Variants in GSK3B observed in about 807,000 individuals in gnomAD.
The protein encoded by GSK3B is glycogen synthase kinase 3 beta.
In GSK3B, 15 loss-of-function variants were observed where a neutral mutation model predicts 56.4. The ratio of observed to expected loss-of-function variants is 0.27; its 90% confidence interval spans 0.18 to 0.41. The LOEUF is 0.41. Among genes scored for constraint, GSK3B ranks in the 10% least tolerant of loss-of-function variants. GSK3B has a pLI of 1.00. For missense variants in GSK3B, 300 were observed against 513.4 expected (o/e 0.58, Z 4.02); for synonymous variants, 181 against 188.9 (o/e 0.96, Z 0.34).
At chr3:120,083,967 T>A (rs1024462256) in intron 1 of GSK3B, among the ~76,000 whole-genome samples, 1 of 152,176 alleles carries the variant, frequency 6.6e-6, no homozygotes, top group Non-Finnish European at 1.5e-5. Flanking sequence ...TGCCTAGAGC[T>A]GTGGGGAAGG....
intron 7 of GSK3B, among the ~76,000 whole-genome samples, chr3:119,880,147 T>C (rs767298757): frequency 2.0e-5 from 3 of 152,240 alleles, no homozygotes; most frequent in Admixed American, 6.5e-5. Context: ...GCCTGTCATT[T>C]AGATAAAAGC....
At chr3:120,038,785 A>G (rs34431178) in intron 1 of GSK3B, among the ~76,000 whole-genome samples, 1 of 152,002 alleles carries the variant, frequency 6.6e-6, no homozygotes, top group Non-Finnish European at 1.5e-5. Flanking sequence ...TTTGACGAGG[A>G]CTTTTTACAT....
At chr3:119,971,874 G>A (rs2057371295) in intron 2 of GSK3B, among the ~76,000 whole-genome samples, 1 of 151,988 alleles carries the variant, frequency 6.6e-6, no homozygotes, top group East Asian at 1.9e-4. Flanking sequence ...GCCTCCCAAA[G>A]TGCTGGGATT....
chr3:119,836,361 TC>T (rs1342372068), intron 10 of GSK3B, among the ~76,000 whole-genome samples: 1 of 152,060 alleles, frequency 6.6e-6, no homozygotes, highest in Admixed American at 6.6e-5. Flanking sequence ...TTATCATGAC[TC>T]CCCCTTCTGT....
intron 1 of GSK3B, among the ~76,000 whole-genome samples, chr3:120,056,238 T>A (rs969120356): frequency 3.9e-5 from 6 of 152,270 alleles, no homozygotes; most frequent in African/African-American, 1.4e-4. Context: ...ATTTTTTAAA[T>A]GTCTCTTTTA....
At chr3:120,034,040 A>T (rs6764558) in intron 1 of GSK3B, among the ~76,000 whole-genome samples, 5,593 of 152,288 alleles carry the variant, frequency 0.037, 340 homozygotes, top group African/African-American at 0.13. Flanking sequence ...AGATATACAT[A>T]GGTTCTGTCT....
At chr3:119,839,971 A>C (rs975900508) in intron 10 of GSK3B, among the ~76,000 whole-genome samples, 8 of 152,132 alleles carry the variant, frequency 5.3e-5, no homozygotes, top group Non-Finnish European at 1.2e-4. Context: ...CCAGGTTCAG[A>C]TATTCAAGGT....
intron 1 of GSK3B, among the ~76,000 whole-genome samples, chr3:120,081,799 G>A (rs377217090): frequency 4.1e-4 from 63 of 152,202 alleles, no homozygotes; most frequent in East Asian, 1.4e-3. Context: ...GATCTCCTAC[G>A]GAGAAACAAG....
At chr3:120,080,159 C>T (rs112265187) in intron 1 of GSK3B, among the ~76,000 whole-genome samples, 4 of 152,044 alleles carry the variant, frequency 2.6e-5, no homozygotes, top group African/African-American at 7.2e-5. Context: ...GGCATGGTAG[C>T]GCACTCCTGT....
intron 2 of GSK3B, among the ~76,000 whole-genome samples, chr3:119,961,941 C>T (rs565527393): frequency 1.2e-4 from 19 of 152,230 alleles, no homozygotes; most frequent in African/African-American, 4.1e-4. Context: ...GTTCTGAGCA[C>T]GTTTAAGGTA....
chr3:119,927,546 T>C (rs767842568), intron 3 of GSK3B, among the ~76,000 whole-genome samples: 3 of 152,196 alleles, frequency 2.0e-5, no homozygotes, highest in African/African-American at 2.4e-5. Context: ...AAATAGGTGA[T>C]GAGACACAGA....
At chr3:120,086,607 C>A (rs186693961) in intron 1 of GSK3B, among the ~76,000 whole-genome samples, 2 of 152,138 alleles carry the variant, frequency 1.3e-5, no homozygotes, top group Non-Finnish European at 2.9e-5. Flanking sequence ...CCAGCCTGGG[C>A]AAGATGGCGA....
At chr3:120,056,488 C>T (rs2058192099) in intron 1 of GSK3B, among the ~76,000 whole-genome samples, 1 of 152,130 alleles carries the variant, frequency 6.6e-6, no homozygotes, top group Non-Finnish European at 1.5e-5. Flanking sequence ...TACAGGCGTG[C>T]ACCACCACAC....
intron 9 of GSK3B, among the ~76,000 whole-genome samples, chr3:119,861,086 G>T (rs925898002): frequency 6.6e-6 from 1 of 152,070 alleles, no homozygotes; most frequent in Admixed American, 6.6e-5. Flanking sequence ...TAACTAACTA[G>T]TCATCCACAT....
At chr3:120,000,843 C>G (rs192454407) in intron 2 of GSK3B, among the ~76,000 whole-genome samples, 7 of 143,002 alleles carry the variant, frequency 4.9e-5, no homozygotes, top group African/African-American at 1.8e-4. Context: ...AAAAAAGTTA[C>G]GAGAAAAATG....
intron 2 of GSK3B, among the ~76,000 whole-genome samples, chr3:119,965,038 CTT>C (rs573903125): frequency 0.028 from 3,495 of 125,658 alleles, 137 homozygotes; most frequent in African/African-American, 0.088. Flanking sequence ...ATTATGTTTT[CTT>C]TTTTTTTTTT....
intron 9 of GSK3B, among the ~76,000 whole-genome samples, chr3:119,854,245 A>G (rs1487962891): frequency 6.6e-6 from 1 of 152,210 alleles, no homozygotes; most frequent in Non-Finnish European, 1.5e-5. Flanking sequence ...ATGATGAACC[A>G]GCTTTGCATC....
At chr3:119,986,494 A>T (rs1348952930) in intron 2 of GSK3B, among the ~76,000 whole-genome samples, 1 of 152,096 alleles carries the variant, frequency 6.6e-6, no homozygotes, top group Non-Finnish European at 1.5e-5. Flanking sequence ...ACAAAAAAAA[A>T]AACAACCCCC....
At chr3:119,843,219 A>C (rs201500853) in intron 10 of GSK3B, 36 bp downstream of exon 10, 1 of 1,362,596 alleles carries the variant, frequency 7.3e-7, no homozygotes, top group South Asian at 1.2e-5. Context: ...CCAGCCCAGA[A>C]TATGTTTTTA....
Sources: gnomAD v4.1 joint callset for allele counts (sites outside exome capture counted in the v4.1 genomes callset) on GRCh38, gnomAD v4.1.1 for gene constraint, MANE v1.5 for transcripts, NCBI Gene and HGNC (gene_info 2026-07-23, HGNC 2026-07-21) for gene names.